Variants in TMEM39A observed in about 807,000 individuals in gnomAD.
TMEM39A encodes the protein transmembrane protein 39A, also known as suppressor of SQST-1 aggregates in rpl-43 mutants.
Under a neutral mutation model 51.9 loss-of-function variants are expected in TMEM39A, and 19 were observed. The observed-to-expected ratio is 0.37, with a 90% CI of 0.26 to 0.54. TMEM39A has a LOEUF of 0.54. Among genes scored for constraint, TMEM39A ranks in the 20% least tolerant of loss-of-function variants. The pLI is 0.88. For synonymous variants in TMEM39A, 197 were observed against 220.2 expected (o/e 0.89, Z 0.93); for missense variants, 433 against 590.5 (o/e 0.73, Z 2.76).
chr3:119,453,285 A>ATAG (rs1484751330), intron 3 of TMEM39A, among the ~76,000 whole-genome samples: 1 of 152,212 alleles, frequency 6.6e-6, no homozygotes, highest in African/African-American at 2.4e-5. Flanking sequence ...AAATCTATAC[A>ATAG]TAGCATCCAC....
In TMEM39A at chr3:119,431,439, T is replaced by C. The variant is rs1363415814; in HGVS notation, c.*542A>G. On this transcript the variant is annotated 3_prime_UTR_variant, in exon 9 of 9. Transcript: ENST00000319172. ...CACAGGGTAAAATAGACCAGCTGAG[T>C]CCGTATCTTAGAAAGGAAGCCTACT... The C allele has an allele frequency of 6.6e-6, 1 of 152,110 alleles. No homozygotes were observed. The highest frequency in any genetic ancestry group is 1.5e-5 in the Non-Finnish European group (1 of 68,058). The allele number at this position is 152,110 out of a possible 1,614,324, so 9.4% of individuals were successfully genotyped here.
chr3:119,458,435 T>C (rs949867094), intron 2 of TMEM39A, among the ~76,000 whole-genome samples, 195 bp from the exon 3 acceptor site: 2 of 152,214 alleles, frequency 1.3e-5, no homozygotes, highest in Admixed American at 1.3e-4. Context: ...CATTATCTCC[T>C]ACATGATGAA....
At chr3:119,456,286 A>T (rs1284300304) in intron 3 of TMEM39A, among the ~76,000 whole-genome samples, 1 of 152,200 alleles carries the variant, frequency 6.6e-6, no homozygotes, top group Admixed American at 6.5e-5. Context: ...CTTAATCCAG[A>T]TAAGAAAAAA....
intron 2 of TMEM39A, 24 bp downstream of exon 2, chr3:119,461,938 T>C (rs368349857): frequency 1.1e-4 from 176 of 1,566,404 alleles, no homozygotes; most frequent in Non-Finnish European, 1.4e-4. Context: ...ATTAAAATTA[T>C]ATATAGCCTT....
intron 4 of TMEM39A, among the ~76,000 whole-genome samples, chr3:119,449,218 G>T (rs927970006): frequency 6.6e-6 from 1 of 152,110 alleles, no homozygotes; most frequent in African/African-American, 2.4e-5. Flanking sequence ...CTCAAATATA[G>T]TAAAATAAAT....
At chr3:119,451,327 A>G (rs1344810571) in intron 4 of TMEM39A, 1 of 1,281,424 alleles carries the variant, frequency 7.8e-7, no homozygotes, top group African/African-American at 1.5e-5. Context: ...CCTTCCATGT[A>G]TGTTTTGGGA....
intron 1 of TMEM39A, among the ~76,000 whole-genome samples, chr3:119,462,449 C>G (rs2081350596): frequency 6.6e-6 from 1 of 151,874 alleles, no homozygotes; most frequent in South Asian, 2.1e-4. Context: ...AACATCACAC[C>G]TTATACATTT....
intron 3 of TMEM39A, among the ~76,000 whole-genome samples, 175 bp from the exon 4 acceptor site, chr3:119,452,705 A>G (rs1223097179): frequency 6.6e-6 from 1 of 152,228 alleles, no homozygotes; most frequent in East Asian, 1.9e-4. Context: ...TTCTTCTTTC[A>G]TAACAAATTG....
intron 4 of TMEM39A, among the ~76,000 whole-genome samples, chr3:119,451,690 C>T (rs965419570): frequency 3.3e-5 from 5 of 151,802 alleles, no homozygotes; most frequent in South Asian, 2.1e-4. Context: ...ATTAGCCAGG[C>T]GTGGTGGCGC....
chr3:119,446,997 T>C (rs776375348), intron 5 of TMEM39A, 21 bp downstream of exon 5: 18 of 1,603,840 alleles, frequency 1.1e-5, no homozygotes, highest in African/African-American at 5.4e-5. Flanking sequence ...ACTAATAACA[T>C]GGTAAAACTG....
intron 7 of TMEM39A, chr3:119,435,189 G>A (rs1168947287): frequency 2.5e-5 from 25 of 985,256 alleles, no homozygotes; most frequent in Non-Finnish European, 2.9e-5. Context: ...GTGTAAGCAG[G>A]GTGACTGTCA....
At chr3:119,438,961 G>C (rs964299232) in intron 5 of TMEM39A, among the ~76,000 whole-genome samples, 2 of 152,102 alleles carry the variant, frequency 1.3e-5, no homozygotes, top group Admixed American at 6.5e-5. Flanking sequence ...CTATGAACCA[G>C]AGATTTCAAC....
intron 4 of TMEM39A, among the ~76,000 whole-genome samples, chr3:119,451,984 A>G (rs1224790496): frequency 6.6e-6 from 1 of 152,158 alleles, no homozygotes; most frequent in Non-Finnish European, 1.5e-5. Flanking sequence ...ATCCTATACG[A>G]ATTCTGATAC....
intron 8 of TMEM39A, among the ~76,000 whole-genome samples, chr3:119,432,492 T>G (rs982998022): frequency 3.3e-5 from 5 of 152,144 alleles, no homozygotes; most frequent in Non-Finnish European, 7.4e-5. Context: ...AACATTTTTC[T>G]TAGATTATAT....
intron 4 of TMEM39A, among the ~76,000 whole-genome samples, chr3:119,451,597 G>A (rs904797667): frequency 5.9e-5 from 9 of 152,122 alleles, no homozygotes; most frequent in African/African-American, 2.2e-4. Context: ...TCGGGAGGCC[G>A]AGGCAGGTGG....
intron 2 of TMEM39A, among the ~76,000 whole-genome samples, chr3:119,461,596 T>C (rs751766538): frequency 3.3e-5 from 5 of 152,352 alleles, no homozygotes; most frequent in Non-Finnish European, 5.9e-5. Flanking sequence ...TTTAAAATCC[T>C]TGATGGAATT....
intron 5 of TMEM39A, among the ~76,000 whole-genome samples, chr3:119,443,649 C>T (rs929106668): frequency 6.6e-6 from 1 of 152,186 alleles, no homozygotes; most frequent in African/African-American, 2.4e-5. Context: ...GGCATGGTGG[C>T]TCCCCTCTGT....
rs1476754227 is a variant in TMEM39A at position 119,430,348 on chromosome 3, CA to C, written c.*1632del. 2 of 152,030 alleles carry C rather than the reference CA, an allele frequency of 1.3e-5. No individual in the cohort carries two copies. The highest frequency in any genetic ancestry group is 4.8e-5 in the African/African-American group (2 of 41,400). The allele number at this position is 152,030 out of a possible 1,614,324, so 9.4% of individuals were successfully genotyped here. A position where few individuals can be genotyped will look rare whatever the true frequency, so the allele number is the denominator to read the frequency against. On this transcript the variant is annotated 3_prime_UTR_variant, in exon 9 of 9. Transcript: ENST00000319172. ...TGCCTTCTAGCAGTGCTATTCTTAC[CA>C]CTATTTCCTTGTCCTGATTTCCCTT...
chr3:119,446,176 C>T (rs2081122204), intron 5 of TMEM39A, among the ~76,000 whole-genome samples: 1 of 152,202 alleles, frequency 6.6e-6, no homozygotes, highest in Admixed American at 6.5e-5. Flanking sequence ...GCAACCTCAG[C>T]ATGATTTTTC....
Sources: gnomAD v4.1 joint callset for allele counts (sites outside exome capture counted in the v4.1 genomes callset) on GRCh38, gnomAD v4.1.1 for gene constraint, MANE v1.5 for transcripts, NCBI Gene and HGNC (gene_info 2026-07-23, HGNC 2026-07-21) for gene names.